The following PTPRS variants were observed in gnomAD, a reference collection of about 807,000 sequenced individuals.
The protein encoded by PTPRS is protein tyrosine phosphatase receptor type S, also known as receptor-type tyrosine-protein phosphatase S.
PTPRS carries 63 observed loss-of-function variants against 215.3 expected under a neutral mutation model. That is an observed-to-expected ratio of 0.29 (90% CI 0.24 to 0.36). PTPRS has a LOEUF of 0.36. Among genes scored for constraint, PTPRS ranks in the 10% least tolerant of loss-of-function variants. The probability of loss-of-function intolerance (pLI) is 1.00; values close to 1 mark genes in which losing one functional copy is unlikely to be tolerated. For missense variants in PTPRS, 2,258 were observed against 2,825.8 expected (o/e 0.80, Z 4.56); for synonymous variants, 1,404 against 1,191.4 (o/e 1.18, Z -3.68).
chr19:5,216,897 A>G, intron 25 of PTPRS, 130 bp from the exon 26 acceptor site: 1 of 641,786 alleles, frequency 1.6e-6, no homozygotes, highest in Non-Finnish European at 2.8e-6. Context: ...GGGGGTATGT[A>G]CAGCCACCTG....
At chr19:5,215,439 G>A in intron 27 of PTPRS, 27 bp from the exon 28 acceptor site, 1 of 1,611,880 alleles carries the variant, frequency 6.2e-7, no homozygotes, top group South Asian at 1.1e-5. Context: ...GAGCGCGGGT[G>A]TCAGGGTAGG....
intron 2 of PTPRS, among the ~76,000 whole-genome samples, chr19:5,284,475 C>T (rs970971957): frequency 3.9e-5 from 6 of 152,096 alleles, no homozygotes; most frequent in Non-Finnish European, 8.8e-5. Context: ...CTTTGGGAGG[C>T]CAAGGCGCTT....
At chr19:5,226,992 C>T (rs1044966327) in intron 16 of PTPRS, among the ~76,000 whole-genome samples, 3 of 151,978 alleles carry the variant, frequency 2.0e-5, no homozygotes, top group Non-Finnish European at 2.9e-5. Flanking sequence ...ACCATGGAAA[C>T]GGTCCAATGC....
intron 9 of PTPRS, among the ~76,000 whole-genome samples, chr19:5,249,578 G>A (rs1256469632): frequency 2.6e-5 from 4 of 152,216 alleles, no homozygotes; most frequent in Non-Finnish European, 5.9e-5. Context: ...ACCATAGTGA[G>A]TAACGAGGAT....
chr19:5,330,786 TG>T (rs2050297916), intron 1 of PTPRS, among the ~76,000 whole-genome samples: 1 of 152,168 alleles, frequency 6.6e-6, no homozygotes, highest in Admixed American at 6.5e-5. Flanking sequence ...GGCCGGAGTC[TG>T]GGCTCCCAGG....
At chr19:5,240,840 A>AAAAT (rs572535042) in intron 11 of PTPRS, among the ~76,000 whole-genome samples, 4 of 150,792 alleles carry the variant, frequency 2.7e-5, no homozygotes, top group African/African-American at 4.9e-5. Flanking sequence ...CTCTGTCTCA[A>AAAAT]AAATAAATAA....
intron 10 of PTPRS, among the ~76,000 whole-genome samples, chr19:5,245,440 C>T (rs2044401492): frequency 6.6e-6 from 1 of 152,058 alleles, no homozygotes; most frequent in African/African-American, 2.4e-5. Context: ...AGGCATGCAC[C>T]ACTGCACTTG....
chr19:5,248,036 G>T (rs2044657913), intron 9 of PTPRS, among the ~76,000 whole-genome samples: 1 of 146,826 alleles, frequency 6.8e-6, no homozygotes, highest in Non-Finnish European at 1.5e-5. Context: ...GCCGTGAGAT[G>T]GGGGGGGCGG....
chr19:5,242,049 T>C (rs1391324273), intron 11 of PTPRS, among the ~76,000 whole-genome samples: 2 of 152,124 alleles, frequency 1.3e-5, no homozygotes. Context: ...TTGGCCAGGC[T>C]GGTCTTGAAC....
chr19:5,223,204 A>C lies in PTPRS; in HGVS notation c.2588T>G (p.Val863Gly), dbSNP rs1451171996. ...EPPAGTAEDQVLGYRLQFGRE... is the reference protein window; with the variant it reads ...EPPAGTAEDQGLGYRLQFGRE... Reference sequence around the variant, plus strand: ...GCCAAACTGCAGGCGGTAGCCCAGCACCTGGTCCTCCGCGGTGCCAGCCGG... The same window carrying C: ...GCCAAACTGCAGGCGGTAGCCCAGCCCCTGGTCCTCCGCGGTGCCAGCCGG... The change falls in exon 18 of 38, where the codon GTG becomes GGG. Residue 863 changes from valine to glycine, a missense_variant. Val to Gly is a moderately radical substitution (Grantham distance 109, BLOSUM62 -3). Coordinates refer to ENST00000262963, the MANE Select transcript of PTPRS (RefSeq NM_002850.4). The C allele has an allele frequency of 6.5e-7, 1 of 1,533,176 alleles. No homozygotes were observed. Among genetic ancestry groups the C allele is most frequent in the Non-Finnish European group, 8.8e-7 (1 of 1,139,782 alleles). The allele number at this position is 1,533,176 out of a possible 1,614,324, so 95.0% of individuals were successfully genotyped here. A position where few individuals can be genotyped will look rare whatever the true frequency, so the allele number is the denominator to read the frequency against.
intron 13 of PTPRS, among the ~76,000 whole-genome samples, chr19:5,238,679 C>A (rs1310655868): frequency 6.6e-6 from 1 of 152,270 alleles, no homozygotes; most frequent in African/African-American, 2.4e-5. Flanking sequence ...CAAGTCTCAA[C>A]CCGGGTCACC....
At chr19:5,268,871 C>T (rs1337946563) in intron 4 of PTPRS, among the ~76,000 whole-genome samples, 1 of 152,240 alleles carries the variant, frequency 6.6e-6, no homozygotes, top group Non-Finnish European at 1.5e-5. Context: ...AAGCCCTCCA[C>T]TCAACCAGGT....
At chr19:5,232,779 C>T (rs201126482) in intron 13 of PTPRS, among the ~76,000 whole-genome samples, 2 of 82,136 alleles carry the variant, frequency 2.4e-5, no homozygotes, top group Admixed American at 2.3e-4. Context: ...AGGCATTGTG[C>T]TGAGGACTCC....
At chr19:5,284,933 G>C (rs1284211752) in intron 2 of PTPRS, among the ~76,000 whole-genome samples, 1 of 152,104 alleles carries the variant, frequency 6.6e-6, no homozygotes. Flanking sequence ...GGGTGACAGA[G>C]TGAGACCCCA....
At chr19:5,245,374 GA>G in intron 10 of PTPRS, among the ~76,000 whole-genome samples, 1 of 151,146 alleles carries the variant, frequency 6.6e-6, no homozygotes, top group Non-Finnish European at 1.5e-5. Flanking sequence ...CTGCAGCCTT[GA>G]ACTCCTGGGC....
At chr19:5,301,715 G>A (rs532821680) in intron 1 of PTPRS, among the ~76,000 whole-genome samples, 1 of 152,068 alleles carries the variant, frequency 6.6e-6, no homozygotes, top group East Asian at 1.9e-4. Flanking sequence ...CAGTCCCCAG[G>A]AAGGGTGATC....
At chr19:5,240,700 G>A (rs1172100201) in intron 11 of PTPRS, among the ~76,000 whole-genome samples, 4 of 151,290 alleles carry the variant, frequency 2.6e-5, no homozygotes, top group Admixed American at 1.3e-4. Flanking sequence ...TTAGCCGGGC[G>A]CGGTGGCGGG....
At chr19:5,332,914 C>T (rs955228241) in intron 1 of PTPRS, among the ~76,000 whole-genome samples, 1 of 152,160 alleles carries the variant, frequency 6.6e-6, no homozygotes, top group Non-Finnish European at 1.5e-5. Flanking sequence ...TTTGGGAGGC[C>T]AAGGCAGGCG....
At chr19:5,275,661 CCAGA>C (rs2146634597) in intron 2 of PTPRS, among the ~76,000 whole-genome samples, 1 of 152,242 alleles carries the variant, frequency 6.6e-6, no homozygotes, top group South Asian at 2.1e-4. Context: ...CAAACATTAG[CCAGA>C]CATAGTGGTG....
Sources: allele counts gnomAD v4.1 joint callset (sites outside exome capture counted in the v4.1 genomes callset), GRCh38; gene constraint gnomAD v4.1.1; transcripts MANE v1.5; gene names NCBI Gene and HGNC (gene_info 2026-07-23, HGNC 2026-07-21).